CDH18: variants seen among roughly 807,000 people sequenced by gnomAD.
CDH18 encodes cadherin 18, also known as cadherin-18.
A neutral mutation model predicts 67.9 loss-of-function variants in CDH18; 31 were observed. That is an observed-to-expected ratio of 0.46 (90% CI 0.34 to 0.62). The LOEUF is 0.62. Ranked by LOEUF, CDH18 falls within the 20% of genes least tolerant of loss-of-function variation. The pLI is 0.01. For synonymous variants in CDH18, 362 were observed against 347.2 expected, an observed-to-expected ratio of 1.04 and a Z score of -0.48; for missense variants, 890 against 975.5, an observed-to-expected ratio of 0.91 and a Z score of 1.17.
chr5:20,126,780 T>C (rs1748865897), intron 2 of CDH18, among the ~76,000 whole-genome samples: 1 of 152,250 alleles, frequency 6.6e-6, no homozygotes, highest in African/African-American at 2.4e-5. Flanking sequence ...ACCTCATACC[T>C]GTTAGGATAA....
intron 1 of CDH18, among the ~76,000 whole-genome samples, chr5:20,547,216 G>T (rs1324214119): frequency 6.6e-6 from 1 of 152,078 alleles, no homozygotes; most frequent in Non-Finnish European, 1.5e-5. Context: ...TATATAAAGT[G>T]ACAAGCAATA....
intron 2 of CDH18, among the ~76,000 whole-genome samples, chr5:19,946,898 G>A (rs1323507301): frequency 6.6e-6 from 1 of 152,000 alleles, no homozygotes; most frequent in African/African-American, 2.4e-5. Context: ...GGTCAAGTGG[G>A]GTTTATTCAA....
intron 2 of CDH18, among the ~76,000 whole-genome samples, chr5:19,941,474 C>T (rs1055919350): frequency 6.6e-6 from 1 of 152,046 alleles, no homozygotes; most frequent in Admixed American, 6.6e-5. Flanking sequence ...GTACTGTTTG[C>T]TAATTATGTT....
chr5:20,208,316 G>A (rs1024289577), intron 2 of CDH18, among the ~76,000 whole-genome samples: 9 of 152,056 alleles, frequency 5.9e-5, no homozygotes, highest in Non-Finnish European at 1.3e-4. Context: ...GGGGGAAACT[G>A]CCCCCTTGAT....
chr5:20,287,517 T>G (rs1746776986), intron 1 of CDH18, among the ~76,000 whole-genome samples: 2 of 151,746 alleles, frequency 1.3e-5, no homozygotes, highest in African/African-American at 4.8e-5. Flanking sequence ...TCTTCTCAAA[T>G]TAAGCATTAC....
chr5:20,499,777 T>C (rs1307379435), intron 1 of CDH18, among the ~76,000 whole-genome samples: 2 of 152,178 alleles, frequency 1.3e-5, no homozygotes, highest in African/African-American at 4.8e-5. Context: ...ATCTTATGCA[T>C]ATAGCAAATC....
chr5:20,131,253 AT>A (rs1749247501), intron 2 of CDH18, among the ~76,000 whole-genome samples: 1 of 148,590 alleles, frequency 6.7e-6, no homozygotes, highest in Non-Finnish European at 1.5e-5. Context: ...TGCTCTGAAT[AT>A]TTTTTAAAGC....
intron 1 of CDH18, among the ~76,000 whole-genome samples, chr5:20,260,034 G>T (rs546021684): frequency 4.6e-5 from 7 of 151,764 alleles, no homozygotes; most frequent in South Asian, 2.1e-4. Flanking sequence ...AGTTCAAAAC[G>T]TCAAGAAGAC....
At chr5:20,241,677 C>T (rs1016104531) in intron 2 of CDH18, among the ~76,000 whole-genome samples, 4 of 151,572 alleles carry the variant, frequency 2.6e-5, no homozygotes, top group Admixed American at 1.3e-4. Flanking sequence ...TGGTGAAACC[C>T]CATCTCTACT....
At chr5:20,118,144 T>C (rs1189942148) in intron 2 of CDH18, among the ~76,000 whole-genome samples, 1 of 152,212 alleles carries the variant, frequency 6.6e-6, no homozygotes, top group African/African-American at 2.4e-5. Context: ...GTTTAATAAG[T>C]GCATTACATT....
chr5:20,286,807 A>G (rs1035197244), intron 1 of CDH18, among the ~76,000 whole-genome samples: 4 of 151,692 alleles, frequency 2.6e-5, no homozygotes, highest in Admixed American at 6.6e-5. Flanking sequence ...TGTTAAGGGG[A>G]TACTGTGTAC....
intron 2 of CDH18, among the ~76,000 whole-genome samples, chr5:20,234,759 G>A (rs1742345172): frequency 6.6e-6 from 1 of 152,078 alleles, no homozygotes; most frequent in East Asian, 1.9e-4. Flanking sequence ...CTTTAAGCAG[G>A]CTATTGTGTA....
chr5:19,856,408 G>A (rs1482845853), intron 2 of CDH18, among the ~76,000 whole-genome samples: 1 of 152,142 alleles, frequency 6.6e-6, no homozygotes, highest in Non-Finnish European at 1.5e-5. Context: ...AAAAGACTGG[G>A]CAGATGTACA....
intron 2 of CDH18, among the ~76,000 whole-genome samples, chr5:19,844,984 T>C (rs543767491): frequency 6.6e-6 from 1 of 152,288 alleles, no homozygotes; most frequent in South Asian, 2.1e-4. Flanking sequence ...TTTAAAATTA[T>C]ACATATACTG....
intron 2 of CDH18, among the ~76,000 whole-genome samples, chr5:19,944,766 A>G (rs887954638): frequency 2.0e-5 from 3 of 152,128 alleles, no homozygotes; most frequent in Non-Finnish European, 2.9e-5. Context: ...AGCTCCCTCT[A>G]ACTTTAACTA....
chr5:20,147,743 A>G (rs1039325996), intron 2 of CDH18, among the ~76,000 whole-genome samples: 1 of 152,156 alleles, frequency 6.6e-6, no homozygotes, highest in Non-Finnish European at 1.5e-5. Flanking sequence ...TGTTTGGAAT[A>G]AGGACCAGAA....
At chr5:19,818,122 A>G (rs995699265) in intron 3 of CDH18, among the ~76,000 whole-genome samples, 2 of 152,182 alleles carry the variant, frequency 1.3e-5, no homozygotes, top group Admixed American at 6.5e-5. Flanking sequence ...ACCCTGATCT[A>G]AACCATAAAC....
At chr5:20,194,974 G>A (rs1316635617) in intron 2 of CDH18, among the ~76,000 whole-genome samples, 2 of 152,018 alleles carry the variant, frequency 1.3e-5, no homozygotes, top group African/African-American at 4.8e-5. Context: ...TTGAGGGTCT[G>A]CAGTTGGTCT....
chr5:20,431,906 C>G (rs1010522157), intron 1 of CDH18, among the ~76,000 whole-genome samples: 4 of 152,242 alleles, frequency 2.6e-5, no homozygotes, highest in African/African-American at 9.6e-5. Context: ...ATCCACCAGG[C>G]AGTATCCTTC....
Sources: allele counts gnomAD v4.1 joint callset (sites outside exome capture counted in the v4.1 genomes callset), GRCh38; gene constraint gnomAD v4.1.1; transcripts MANE v1.5; gene names NCBI Gene and HGNC (gene_info 2026-07-23, HGNC 2026-07-21).